Variants in NAA35 observed in about 807,000 individuals in gnomAD.
NAA35 encodes the protein MAK10 homolog, amino-acid N-acetyltransferase subunit.
NAA35 carries 18 observed loss-of-function variants against 101.7 expected under a neutral mutation model. The observed-to-expected ratio is 0.18, with a 90% CI of 0.12 to 0.26. The LOEUF (loss-of-function observed/expected upper bound fraction) is 0.26. Among genes scored for constraint, NAA35 ranks in the 10% least tolerant of loss-of-function variants. The probability of loss-of-function intolerance (pLI) is 1.00; values close to 1 mark genes in which losing one functional copy is unlikely to be tolerated. For missense variants in NAA35, 601 were observed against 886.8 expected (o/e 0.68, Z 4.09); for synonymous variants, 267 against 273.1 (o/e 0.98, Z 0.22).
At chr9:85,946,010 C>CT (rs1201679169) in intron 2 of NAA35, among the ~76,000 whole-genome samples, 16 of 151,992 alleles carry the variant, frequency 1.1e-4, no homozygotes, top group African/African-American at 3.1e-4. Flanking sequence ...TCTTGAGGCT[C>CT]TAATTTTTTT....
intron 11 of NAA35, among the ~76,000 whole-genome samples, chr9:85,992,920 T>G (rs191044967): frequency 1.7e-3 from 258 of 152,346 alleles, no homozygotes; most frequent in African/African-American, 5.8e-3. Context: ...TACTATTGAC[T>G]GTGCTTGGAA....
chr9:85,978,478 T>G (rs1437878272), intron 11 of NAA35, 97 bp downstream of exon 11: 1 of 750,508 alleles, frequency 1.3e-6, no homozygotes, highest in Non-Finnish European at 2.3e-6. Context: ...GTCAGTCTTG[T>G]ACCTTGGGAT....
At position 85,999,105 on chromosome 9, in the gene NAA35, GCTTT is replaced by G. The variant is rs1372780475; in HGVS notation, c.1056+2532_1056+2535del. On this transcript the variant is annotated intron_variant, in intron 12 of 22. Transcript: ENST00000361671. The stretch of plus-strand genomic sequence containing the variant: ...GCCTTTAATACCTTCTGTTGCATTT[GCTTT>G]CTTATTAGATTGCTCTTATTCTGTC... Among the ~76,000 whole-genome samples the G allele has an allele frequency of 3.3e-5, 5 of 152,162 alleles. No homozygotes were observed. In the East Asian group the frequency reaches 9.6e-4, roughly 29 times the overall value.
intron 4 of NAA35, 72 bp downstream of exon 4, chr9:85,958,658 A>T (rs1204762880): frequency 1.1e-6 from 1 of 941,120 alleles, no homozygotes; most frequent in Non-Finnish European, 1.6e-6. Flanking sequence ...GTGCTTAATA[A>T]TGAAATGAAA....
At chr9:85,971,279 T>C (rs539084849) in intron 6 of NAA35, among the ~76,000 whole-genome samples, 121 of 152,356 alleles carry the variant, frequency 7.9e-4, no homozygotes, top group Middle Eastern at 3.4e-3. Context: ...CCCATCTTGC[T>C]AAATTCAGTG....
chr9:85,996,664 G>A, intron 12 of NAA35, 87 bp downstream of exon 12: 2 of 1,031,432 alleles, frequency 1.9e-6, no homozygotes, highest in African/African-American at 1.7e-5. Flanking sequence ...TGGTAACTTT[G>A]GTTTAACAAC....
At chr9:85,942,016 C>G in intron 1 of NAA35, 139 bp from the exon 2 acceptor site, 12 of 1,358,658 alleles carry the variant, frequency 8.8e-6, no homozygotes, top group Non-Finnish European at 1.2e-5. Context: ...CTTTGCAGTA[C>G]TGTCCTTAGA....
At chr9:85,953,171 C>T (rs1027334874) in intron 2 of NAA35, among the ~76,000 whole-genome samples, 16 of 151,700 alleles carry the variant, frequency 1.1e-4, no homozygotes, top group African/African-American at 3.9e-4. Flanking sequence ...TGTGATAGCA[C>T]CACTGCTCTC....
chr9:86,018,895 T>TC, intron 21 of NAA35, 74 bp downstream of exon 21: 1 of 1,550,808 alleles, frequency 6.4e-7, no homozygotes, highest in Non-Finnish European at 8.7e-7. Flanking sequence ...GGATGAAAGT[T>TC]AATTATGAAA....
chr9:85,983,739 A>G (rs1365617144), intron 11 of NAA35, among the ~76,000 whole-genome samples: 1 of 152,148 alleles, frequency 6.6e-6, no homozygotes, highest in Non-Finnish European at 1.5e-5. Flanking sequence ...TGGCTCAGCA[A>G]ACCACTATGG....
At chr9:85,988,502 C>T (rs1477982727) in intron 11 of NAA35, among the ~76,000 whole-genome samples, 3 of 152,072 alleles carry the variant, frequency 2.0e-5, no homozygotes, top group African/African-American at 4.8e-5. Context: ...GCTGAAAAGC[C>T]GTAAAGGACA....
intron 6 of NAA35, among the ~76,000 whole-genome samples, chr9:85,963,269 T>C (rs960202178): frequency 7.0e-6 from 1 of 143,088 alleles, no homozygotes; most frequent in African/African-American, 2.8e-5. Context: ...ATGGCTTTTT[T>C]TTTTTTTTTT....
At chr9:85,986,231 C>T (rs1019238745) in intron 11 of NAA35, among the ~76,000 whole-genome samples, 1 of 152,166 alleles carries the variant, frequency 6.6e-6, no homozygotes, top group Non-Finnish European at 1.5e-5. Flanking sequence ...CTTCAGAATG[C>T]ATATGAAAAT....
chr9:85,979,063 A>C (rs4242636), intron 11 of NAA35, among the ~76,000 whole-genome samples: 13,883 of 152,236 alleles, frequency 0.091, 778 homozygotes, highest in Non-Finnish European at 0.13. Flanking sequence ...CTTCGATTAC[A>C]CATGTTAGAA....
In NAA35 at chr9:86,007,379, A is replaced by T; in HGVS notation, c.1138A>T (p.Lys380Ter). The T allele has an allele frequency of 6.2e-7, 1 of 1,613,056 alleles. No homozygotes were observed. The highest frequency in any genetic ancestry group is 8.5e-7 in the Non-Finnish European group (1 of 1,179,236). The change falls in exon 14 of 23, where the codon AAA becomes TAA. Residue 380 changes from lysine (K) to a stop codon, truncating the protein, a stop_gained. Coordinates refer to ENST00000361671, the MANE Select transcript of NAA35 (RefSeq NM_024635.4). LOFTEE classifies it high-confidence loss of function. ...TAAGACCACTTTCCTGGTGGATAAC[A>T]AAAAGGTCTTTGGAACTCATCTCAT... Reference protein sequence around the residue: ...LLQTTFLVDNKKVFGTHLMQD... With the variant: ...LLQTTFLVDN
At chr9:85,944,095 G>C (rs1475845217) in intron 2 of NAA35, among the ~76,000 whole-genome samples, 1 of 152,164 alleles carries the variant, frequency 6.6e-6, no homozygotes, top group Non-Finnish European at 1.5e-5. Context: ...TCAGTACAGT[G>C]GCTTGGACCA....
At chr9:85,995,721 G>C (rs1233524376) in intron 11 of NAA35, among the ~76,000 whole-genome samples, 1 of 152,056 alleles carries the variant, frequency 6.6e-6, no homozygotes, top group Admixed American at 6.6e-5. Flanking sequence ...TCATTTTAGC[G>C]ATATACTCCC....
chr9:85,966,705 A>G (rs769662462), intron 6 of NAA35: 330 of 1,042,276 alleles, frequency 3.2e-4, no homozygotes, highest in Non-Finnish European at 4.1e-4. Context: ...TTACTAGTAT[A>G]CATTAGCACA....
In NAA35 at chr9:86,024,408, G is replaced by C. The variant is rs1177909095; in HGVS notation, c.*2448G>C. On this transcript the variant is annotated 3_prime_UTR_variant, in exon 23 of 23. Transcript: ENST00000361671. ...TGGGAGGCCACAGGTTAAAGATTTTGGACTTTATTCTGATATTGGTAGATT... is the reference window on the plus strand; with the variant it reads ...TGGGAGGCCACAGGTTAAAGATTTTCGACTTTATTCTGATATTGGTAGATT... Among the ~76,000 whole-genome samples the C allele has an allele frequency of 6.6e-6, 1 of 152,114 alleles. No homozygotes were observed. The highest frequency in any genetic ancestry group is 1.9e-4 in the East Asian group (1 of 5,184).
Sources: allele counts gnomAD v4.1 joint callset (sites outside exome capture counted in the v4.1 genomes callset), GRCh38; gene constraint gnomAD v4.1.1; transcripts MANE v1.5; gene names NCBI Gene and HGNC (gene_info 2026-07-23, HGNC 2026-07-21).